The following USP20 variants were observed in gnomAD, a reference collection of about 807,000 sequenced individuals.
USP20 encodes the protein ubiquitin carboxyl-terminal hydrolase 20.
A neutral mutation model predicts 124.2 loss-of-function variants in USP20; 80 were observed. The ratio of observed to expected loss-of-function variants is 0.64; its 90% CI spans 0.54 to 0.78. USP20 has a LOEUF of 0.78. Ranked by LOEUF, USP20 falls within the 30% of genes least tolerant of loss-of-function variation. The pLI is 0.00. For missense variants in USP20, 1,043 were observed against 1,244.4 expected (o/e 0.84, Z 2.44); for synonymous variants, 481 against 512.3 (o/e 0.94, Z 0.83).
rs564176392 is a variant in USP20, at chr9:129,857,969, C to G, written c.136-81C>G. On this transcript the variant is annotated intron_variant, in intron 4 of 25. Transcript: ENST00000372429. ...TATTCAGGAGAGGTAGGGGCACTGA[C>G]TTTGGGATGGAACCAGAGACACTGT... 3 of 1,351,194 alleles carry G rather than the reference C, an allele frequency of 2.2e-6. No individual in the cohort carries two copies. In the African/African-American group the frequency reaches 4.3e-5, roughly 19 times the overall value. The allele number at this position is 1,351,194 out of a possible 1,614,324, so 83.7% of individuals were successfully genotyped here. A position where few individuals can be genotyped will look rare whatever the true frequency, so the allele number is the denominator to read the frequency against.
intron 13 of USP20, 96 bp from the exon 14 acceptor site, chr9:129,869,576 C>A: frequency 1.3e-6 from 2 of 1,560,890 alleles, no homozygotes; most frequent in Non-Finnish European, 1.8e-6. Flanking sequence ...TGTCTATGGC[C>A]TGGGGAGTAG....
intron 15 of USP20, 41 bp downstream of exon 15, chr9:129,870,588 T>C (rs939679126): frequency 2.5e-6 from 4 of 1,606,800 alleles, no homozygotes; most frequent in Non-Finnish European, 3.4e-6. Context: ...GGTGGAGGGT[T>C]GTGGGGACGG....
chr9:129,866,613 A>G (rs915931620), intron 10 of USP20, among the ~76,000 whole-genome samples: 2 of 152,158 alleles, frequency 1.3e-5, no homozygotes, highest in Admixed American at 6.5e-5. Flanking sequence ...ACGGAGGGCC[A>G]TGCGCTGCGG....
rs1469883184 is a variant in USP20, at chr9:129,869,665, C to T, written c.1393-7C>T. The T allele has an allele frequency of 1.2e-6, 2 of 1,613,902 alleles. No individual in the cohort carries two copies. Among genetic ancestry groups the T allele is most frequent in the Admixed American group, 1.7e-5 (1 of 60,012 alleles). On this transcript the variant is annotated splice_region_variant and splice_polypyrimidine_tract_variant and intron_variant, in intron 13 of 25. Transcript: ENST00000372429. ...GATGGGCAGCAGACTGACCTTCAAC[C>T]CCACAGGTATCCACCACAGTGGAAA...
At chr9:129,860,811 G>A (rs1025914345) in intron 6 of USP20, 126 bp from the exon 7 acceptor site, 2 of 897,954 alleles carry the variant, frequency 2.2e-6, no homozygotes, top group African/African-American at 3.4e-5. Flanking sequence ...CTGCTCAGCT[G>A]GACTGGCTCA....
intron 4 of USP20, among the ~76,000 whole-genome samples, chr9:129,856,810 T>G (rs11788613): frequency 0.28 from 41,853 of 151,984 alleles, 7,020 homozygotes; most frequent in Non-Finnish European, 0.38. Flanking sequence ...CTCATGGGGT[T>G]AGGGTAGAAC....
chr9:129,873,812 G>C, intron 17 of USP20, 68 bp downstream of exon 17: 1 of 1,578,720 alleles, frequency 6.3e-7, no homozygotes, highest in South Asian at 1.1e-5. Context: ...ACACCAGGCA[G>C]GGGCTGAGCC....
rs778569615 is a variant in USP20 at position 129,868,421 on chromosome 9, A to G, written c.1107A>G (p.Pro369=). ...DQPAEAQPPS[P]RSSSPCRTPE... ...CCGCGGAGGCCCAGCCCCCGTCACCACGGTCCTCCAGCCCCTGCCGGACGC... is the reference window on the plus strand; with the variant it reads ...CCGCGGAGGCCCAGCCCCCGTCACCGCGGTCCTCCAGCCCCTGCCGGACGC... The change falls in exon 11 of 26, where the codon CCA becomes CCG. Residue 369 remains proline (P), a synonymous_variant. Transcript: ENST00000372429. 1 of 1,611,654 alleles carries G rather than the reference A, an allele frequency of 6.2e-7. No homozygotes were observed. Among genetic ancestry groups the G allele is most frequent in the Non-Finnish European group, 8.5e-7 (1 of 1,179,190 alleles).
intron 12 of USP20, 28 bp from the exon 13 acceptor site, chr9:129,869,282 C>T: frequency 6.3e-7 from 1 of 1,594,678 alleles, no homozygotes; most frequent in Non-Finnish European, 8.6e-7. Context: ...CAGGTGGAGG[C>T]TGGGCTAGTC....
chr9:129,864,773 CAAAA>C (rs34547264), intron 9 of USP20, among the ~76,000 whole-genome samples: 5 of 85,708 alleles, frequency 5.8e-5, no homozygotes, highest in Admixed American at 1.2e-4. Context: ...GACTCTGTCC[CAAAA>C]AAAAAAAAAA....
At chr9:129,870,352 C>T in intron 14 of USP20, 101 bp from the exon 15 acceptor site, 1 of 1,298,332 alleles carries the variant, frequency 7.7e-7, no homozygotes, top group Non-Finnish European at 1.1e-6. Flanking sequence ...CCTTCAGGGT[C>T]CTTCTGCGGC....
intron 14 of USP20, 33 bp downstream of exon 14, chr9:129,869,877 G>A (rs764527686): frequency 1.3e-5 from 20 of 1,495,164 alleles, no homozygotes; most frequent in Non-Finnish European, 1.7e-5. Flanking sequence ...GGGCGACATG[G>A]GCTGGGCCTG....
At chr9:129,846,506 C>T (rs551286718) in intron 1 of USP20, among the ~76,000 whole-genome samples, 1 of 151,616 alleles carries the variant, frequency 6.6e-6, no homozygotes, top group East Asian at 1.9e-4. Context: ...AGTCCTCCTG[C>T]CTCGGCCTCC....
intron 3 of USP20, among the ~76,000 whole-genome samples, chr9:129,853,572 C>G (rs117787445): frequency 6.6e-6 from 1 of 152,208 alleles, no homozygotes; most frequent in Non-Finnish European, 1.5e-5. Context: ...TGCTGGTCGC[C>G]TGGCCTCGCT....
chr9:129,858,186 A>C (rs2033317764), intron 5 of USP20, 74 bp downstream of exon 5: 4 of 1,464,928 alleles, frequency 2.7e-6, no homozygotes, highest in Non-Finnish European at 2.8e-6. Context: ...CCACCTTCCC[A>C]CTCTGGGCCT....
Position 129,843,732 on chromosome 9 carries a change from CCAT to C in USP20, c.-128-6079_-128-6077del, listed in dbSNP as rs556187791. 6.7e-4 allele frequency among the ~76,000 whole-genome samples: 101 copies of C among 150,844 alleles called. 1 individual carries two copies. The highest frequency in any genetic ancestry group is 2.2e-3 in the African/African-American group (91 of 41,070). On this transcript the variant is annotated intron_variant, in intron 1 of 25. Transcript: ENST00000372429. ...AGCCTGGGTAACAAGAGTGAAAACT[CCAT>C]CTCAAAAAAACAAAACAAAACAAAA...
At chr9:129,854,591 A>G (rs910814247) in intron 3 of USP20, among the ~76,000 whole-genome samples, 1 of 152,226 alleles carries the variant, frequency 6.6e-6, no homozygotes, top group Non-Finnish European at 1.5e-5. Context: ...TATAGATGTC[A>G]TCTGAATTGT....
At position 129,879,729 on chromosome 9, in the gene USP20, C is replaced by A; in HGVS notation, c.2584+85C>A. ...GCCCAGTCCCGTCCTTCCAGGAGCC[C>A]CCTTACCACCTGTCTTAGAGTCAGG... On this transcript the variant is annotated intron_variant, in intron 24 of 25. Transcript: ENST00000372429. This position sits in a 1 kb window ranked among gnomAD's most constrained non-coding sequence, Gnocchi z 4.2. 6.8e-7 allele frequency: 1 copy of A among 1,474,504 alleles called. No homozygotes were observed. The highest frequency in any genetic ancestry group is 1.1e-5 in the South Asian group (1 of 86,994). 91.3% of individuals were successfully genotyped at this position (1,474,504 alleles called of 1,614,324 possible).
At chr9:129,844,729 G>A (rs1387096588) in intron 1 of USP20, among the ~76,000 whole-genome samples, 1 of 151,638 alleles carries the variant, frequency 6.6e-6, no homozygotes, top group Non-Finnish European at 1.5e-5. Flanking sequence ...CAGGATTACA[G>A]GTGATTTTTA....
Sources: gnomAD v4.1 joint callset for allele counts (sites outside exome capture counted in the v4.1 genomes callset) on GRCh38, gnomAD v4.1.1 for gene constraint, Gnocchi (gnomAD v3.1) non-coding constraint, MANE v1.5 for transcripts, NCBI Gene and HGNC (gene_info 2026-07-23, HGNC 2026-07-21) for gene names.